Variants in FHIT observed in about 807,000 individuals in gnomAD.
FHIT encodes the protein fragile histidine triad diadenosine triphosphatase.
Under a neutral mutation model 17.9 loss-of-function variants are expected in FHIT, and 19 were observed. The ratio of observed to expected loss-of-function variants is 1.06; its 90% CI spans 0.74 to 1.56. FHIT has a LOEUF of 1.56. Ranked by LOEUF, FHIT falls within the 40% of genes most tolerant of loss-of-function variation. The pLI is 0.00. For synonymous variants in FHIT, 81 were observed against 69.7 expected, an observed-to-expected ratio of 1.16 and a Z score of -0.81; for missense variants, 248 against 189.2, an observed-to-expected ratio of 1.31 and a Z score of -1.82.
intron 5 of FHIT, among the ~76,000 whole-genome samples, chr3:60,419,263 A>G (rs1480450778): frequency 1.3e-5 from 2 of 152,242 alleles, no homozygotes; most frequent in Admixed American, 6.5e-5. Context: ...ATAGCCGTAT[A>G]GCACATGCCT....
chr3:60,835,944 T>C (rs2106838706), intron 3 of FHIT, among the ~76,000 whole-genome samples: 1 of 152,324 alleles, frequency 6.6e-6, no homozygotes, highest in East Asian at 1.9e-4. Context: ...TGGTTTTGTG[T>C]TTTTTCGTCT....
chr3:61,093,337 T>C (rs2035543157), intron 2 of FHIT, among the ~76,000 whole-genome samples: 1 of 152,164 alleles, frequency 6.6e-6, no homozygotes, highest in Non-Finnish European at 1.5e-5. Flanking sequence ...AGAGGACATT[T>C]GGCAAGGTCT....
chr3:59,854,085 G>A (rs889186100), intron 8 of FHIT, among the ~76,000 whole-genome samples: 4 of 152,108 alleles, frequency 2.6e-5, no homozygotes, highest in African/African-American at 7.2e-5. Flanking sequence ...TGGGTACTTC[G>A]AGTACATGAA....
At chr3:60,614,519 G>C (rs553786378) in intron 4 of FHIT, among the ~76,000 whole-genome samples, 2 of 152,210 alleles carry the variant, frequency 1.3e-5, no homozygotes, top group Admixed American at 1.3e-4. Context: ...CAGGAGAATT[G>C]CTTGAACCCG....
At chr3:59,758,138 T>C (rs533620568) in intron 8 of FHIT, among the ~76,000 whole-genome samples, 28 of 152,274 alleles carry the variant, frequency 1.8e-4, no homozygotes, top group African/African-American at 5.1e-4. Flanking sequence ...AGATTGACTT[T>C]TAAAAATCAA....
At chr3:60,402,654 G>T (rs1701708254) in intron 5 of FHIT, among the ~76,000 whole-genome samples, 4 of 152,140 alleles carry the variant, frequency 2.6e-5, no homozygotes, top group Admixed American at 2.6e-4. Context: ...AAGTTTCAGA[G>T]CAGAAAGCCT....
At chr3:61,051,043 C>A (rs1012398639) in intron 2 of FHIT, among the ~76,000 whole-genome samples, 14 of 152,108 alleles carry the variant, frequency 9.2e-5, no homozygotes, top group Non-Finnish European at 1.3e-4. Flanking sequence ...GTCCCAACTG[C>A]TACCTATCTG....
At chr3:60,466,913 C>T (rs1248303743) in intron 5 of FHIT, among the ~76,000 whole-genome samples, 2 of 150,886 alleles carry the variant, frequency 1.3e-5, no homozygotes, top group Non-Finnish European at 3.0e-5. Flanking sequence ...GTATTCCTTC[C>T]TCATCAGTTT....
chr3:60,472,665 G>C (rs901598584), intron 5 of FHIT, among the ~76,000 whole-genome samples: 4 of 152,146 alleles, frequency 2.6e-5, no homozygotes, highest in African/African-American at 9.7e-5. Flanking sequence ...CATGTACAAT[G>C]CTGTTTTAAA....
intron 5 of FHIT, among the ~76,000 whole-genome samples, chr3:60,534,739 T>C (rs921779027): frequency 1.3e-5 from 2 of 152,154 alleles, no homozygotes; most frequent in Non-Finnish European, 2.9e-5. Context: ...CTCCGAGCCC[T>C]TGGTATTTAC....
At chr3:59,833,803 A>G (rs964932872) in intron 8 of FHIT, among the ~76,000 whole-genome samples, 1 of 152,106 alleles carries the variant, frequency 6.6e-6, no homozygotes, top group African/African-American at 2.4e-5. Context: ...TGATTGGATC[A>G]GGGGGACAGT....
At chr3:60,626,887 G>C (rs1183108759) in intron 4 of FHIT, among the ~76,000 whole-genome samples, 1 of 147,700 alleles carries the variant, frequency 6.8e-6, no homozygotes, top group Admixed American at 6.8e-5. Flanking sequence ...ATTTCCTTGA[G>C]TGTTTTTATC....
At chr3:60,341,164 G>C (rs1203939133) in intron 5 of FHIT, among the ~76,000 whole-genome samples, 1 of 152,184 alleles carries the variant, frequency 6.6e-6, no homozygotes, top group Non-Finnish European at 1.5e-5. Context: ...TACACAGAAG[G>C]ATGACTGCGT....
At chr3:60,733,602 G>C (rs1189254846) in intron 4 of FHIT, among the ~76,000 whole-genome samples, 2 of 152,082 alleles carry the variant, frequency 1.3e-5, no homozygotes, top group Non-Finnish European at 2.9e-5. Context: ...TTCAGATGTT[G>C]CTGAAGAAAC....
At chr3:60,176,834 C>T (rs1301719506) in intron 5 of FHIT, among the ~76,000 whole-genome samples, 1 of 151,782 alleles carries the variant, frequency 6.6e-6, no homozygotes, top group Non-Finnish European at 1.5e-5. Context: ...CTTTGGCTAT[C>T]GAGCCATAAA....
intron 4 of FHIT, among the ~76,000 whole-genome samples, chr3:60,540,067 A>G (rs2036135799): frequency 6.6e-6 from 1 of 152,140 alleles, no homozygotes; most frequent in Non-Finnish European, 1.5e-5. Flanking sequence ...AGAGGGGCTG[A>G]AGGTGAAGTT....
intron 2 of FHIT, among the ~76,000 whole-genome samples, chr3:61,151,166 A>T (rs2037375639): frequency 6.6e-6 from 1 of 152,154 alleles, no homozygotes; most frequent in Admixed American, 6.5e-5. Context: ...TTTCCAATCC[A>T]TTCCCTATTC....
chr3:61,157,887 T>A (rs1022630595), intron 2 of FHIT, among the ~76,000 whole-genome samples: 2 of 152,184 alleles, frequency 1.3e-5, no homozygotes, highest in Admixed American at 1.3e-4. Context: ...AGTAGTTGGT[T>A]ACCTCTTACG....
intron 7 of FHIT, among the ~76,000 whole-genome samples, chr3:59,977,851 G>T (rs750265968): frequency 6.6e-6 from 1 of 152,132 alleles, no homozygotes; most frequent in Non-Finnish European, 1.5e-5. Flanking sequence ...TTAAATGATA[G>T]ACACATTAAA....
Sources: allele counts gnomAD v4.1 joint callset (sites outside exome capture counted in the v4.1 genomes callset), GRCh38; gene constraint gnomAD v4.1.1; transcripts MANE v1.5; gene names NCBI Gene and HGNC (gene_info 2026-07-23, HGNC 2026-07-21).